FAT3: variants seen among roughly 807,000 people sequenced by gnomAD.
The protein encoded by FAT3 is protocadherin Fat 3.
FAT3 carries 95 observed loss-of-function variants against 310.2 expected under a neutral mutation model. That is an observed-to-expected ratio of 0.31 (90% CI 0.26 to 0.36). FAT3 has a LOEUF of 0.36. FAT3 is among the 10% of genes least tolerant of loss of function. The pLI is 1.00. For synonymous variants in FAT3, 2,314 were observed against 2,192.9 expected (o/e 1.06, Z -1.54); for missense variants, 5,408 against 5,715.6 (o/e 0.95, Z 1.74).
At chr11:92,230,339 G>A (rs965060046) in intron 1 of FAT3, among the ~76,000 whole-genome samples, 5 of 151,960 alleles carry the variant, frequency 3.3e-5, no homozygotes, top group South Asian at 2.1e-4. Context: ...CATTGCCCAG[G>A]CTGGAGTGCA....
rs1591753437 is a variant in FAT3, at chr11:92,801,056, A to G, written c.8043A>G (p.Val2681=). The G allele has an allele frequency of 6.2e-7, 1 of 1,613,920 alleles. No individual in the cohort carries two copies. Among genetic ancestry groups the G allele is most frequent in the East Asian group, 2.2e-5 (1 of 44,830 alleles). The change falls in exon 10 of 28, where the codon GTA becomes GTG. Residue 2681 remains valine (V), a synonymous_variant. Coordinates refer to ENST00000525166, the MANE Select transcript of FAT3 (RefSeq NM_001367949.2). ...NTVLSFFVKA[V]DGGIPVKHSL... is the part of the protein sequence containing the mutation. ...TGCTTTCGTTCTTTGTCAAAGCAGTAGATGGGGGCATCCCAGTAAAGCACT... is the reference window on the plus strand; with the variant it reads ...TGCTTTCGTTCTTTGTCAAAGCAGTGGATGGGGGCATCCCAGTAAAGCACT...
At chr11:92,351,746 C>A (rs2134628371) in intron 1 of FAT3, among the ~76,000 whole-genome samples, 1 of 152,124 alleles carries the variant, frequency 6.6e-6, no homozygotes, top group Non-Finnish European at 1.5e-5. Context: ...AAAGGCAGTT[C>A]TAAGTCAAAG....
chr11:92,503,698 C>T (rs1477038807), intron 2 of FAT3, among the ~76,000 whole-genome samples: 1 of 151,990 alleles, frequency 6.6e-6, no homozygotes, highest in Non-Finnish European at 1.5e-5. Flanking sequence ...AGACAACACA[C>T]TCTGATTTTT....
chr11:92,236,348 G>C (rs943877954), intron 1 of FAT3, among the ~76,000 whole-genome samples: 1 of 152,120 alleles, frequency 6.6e-6, no homozygotes, highest in Non-Finnish European at 1.5e-5. Context: ...TAATGGAATA[G>C]ATAAAAATGC....
At chr11:92,394,735 T>C (rs1949828696) in intron 2 of FAT3, among the ~76,000 whole-genome samples, 1 of 152,140 alleles carries the variant, frequency 6.6e-6, no homozygotes, top group Admixed American at 6.5e-5. Context: ...TAAAATTGAA[T>C]CTACAGTCTT....
At chr11:92,465,447 C>T (rs1472326009) in intron 2 of FAT3, among the ~76,000 whole-genome samples, 5 of 152,148 alleles carry the variant, frequency 3.3e-5, no homozygotes, top group Non-Finnish European at 7.4e-5. Flanking sequence ...TCCTGTTTCT[C>T]CACATCCTCT....
intron 1 of FAT3, among the ~76,000 whole-genome samples, chr11:92,338,169 T>C (rs1948142881): frequency 6.6e-6 from 1 of 152,208 alleles, no homozygotes; most frequent in African/African-American, 2.4e-5. Context: ...ACATCTGCTG[T>C]GGATGCTCAA....
At chr11:92,680,363 G>A (rs1363774011) in intron 3 of FAT3, among the ~76,000 whole-genome samples, 1 of 152,104 alleles carries the variant, frequency 6.6e-6, no homozygotes, top group Non-Finnish European at 1.5e-5. Flanking sequence ...TTCTGAAGAA[G>A]CTATCCTTTC....
At chr11:92,523,501 G>A (rs534127920) in intron 2 of FAT3, among the ~76,000 whole-genome samples, 28 of 152,136 alleles carry the variant, frequency 1.8e-4, no homozygotes, top group East Asian at 7.7e-4. Flanking sequence ...CTCTCTCCCC[G>A]TTGCTGTACT....
At chr11:92,864,308 G>T (rs1175852166) in intron 21 of FAT3, among the ~76,000 whole-genome samples, 1 of 152,092 alleles carries the variant, frequency 6.6e-6, no homozygotes, top group Non-Finnish European at 1.5e-5. Flanking sequence ...ATAGACTGAG[G>T]ACACCAGTTT....
intron 1 of FAT3, among the ~76,000 whole-genome samples, chr11:92,239,510 G>A (rs71473472): frequency 6.6e-6 from 1 of 152,078 alleles, no homozygotes; most frequent in African/African-American, 2.4e-5. Context: ...AAAGGAAGTG[G>A]AAAAGTTAAC....
chr11:92,889,823 G>A (rs1482109746), intron 26 of FAT3, 33 bp from the exon 27 acceptor site: 1 of 717,636 alleles, frequency 1.4e-6, no homozygotes, highest in Non-Finnish European at 2.6e-6. Flanking sequence ...GGTTTGGACT[G>A]TCAGTTTTAC....
At chr11:92,230,013 G>T (rs887656878) in intron 1 of FAT3, among the ~76,000 whole-genome samples, 49 of 152,226 alleles carry the variant, frequency 3.2e-4, no homozygotes, top group African/African-American at 1.2e-3. Flanking sequence ...CTTGAACAAT[G>T]CATTATTGAA....
At chr11:92,789,873 G>A in intron 7 of FAT3, 70 bp from the exon 8 acceptor site, 3 of 1,519,932 alleles carry the variant, frequency 2.0e-6, no homozygotes, top group South Asian at 1.2e-5. Context: ...AGAAAAAGAG[G>A]GAGGGCATAC....
At chr11:92,780,460 C>T (rs574039190) in intron 7 of FAT3, among the ~76,000 whole-genome samples, 82 of 152,078 alleles carry the variant, frequency 5.4e-4, no homozygotes, top group African/African-American at 1.7e-3. Context: ...AGGCACTGCA[C>T]CCAGCCTATA....
chr11:92,379,272 T>G (rs1388576061), intron 2 of FAT3, among the ~76,000 whole-genome samples: 2 of 152,238 alleles, frequency 1.3e-5, no homozygotes, highest in Admixed American at 6.5e-5. Flanking sequence ...ATATATTTAT[T>G]TCACTTTTCT....
chr11:92,666,962 A>G (rs1050344599), intron 3 of FAT3, among the ~76,000 whole-genome samples: 2 of 152,126 alleles, frequency 1.3e-5, no homozygotes, highest in African/African-American at 2.4e-5. Flanking sequence ...AACCCCAGCC[A>G]ATGGGGTCTA....
At chr11:92,598,756 C>G (rs764872176) in intron 3 of FAT3, among the ~76,000 whole-genome samples, 2 of 152,098 alleles carry the variant, frequency 1.3e-5, no homozygotes, top group Non-Finnish European at 2.9e-5. Flanking sequence ...AGGCCTGGCT[C>G]TTTTATTTAC....
At chr11:92,834,599 T>C (rs1948350422) in intron 14 of FAT3, among the ~76,000 whole-genome samples, 1 of 152,174 alleles carries the variant, frequency 6.6e-6, no homozygotes, top group South Asian at 2.1e-4. Flanking sequence ...ATGCCAGAGA[T>C]TTTCAAGCTG....
Sources: allele counts gnomAD v4.1 joint callset (sites outside exome capture counted in the v4.1 genomes callset), GRCh38; gene constraint gnomAD v4.1.1; transcripts MANE v1.5; gene names NCBI Gene and HGNC (gene_info 2026-07-23, HGNC 2026-07-21).